Variants in CMIP observed in about 807,000 individuals in gnomAD.
CMIP encodes the protein c-Maf inducing protein, also known as C-Maf-inducing protein.
Under a neutral mutation model 97.3 loss-of-function variants are expected in CMIP, and 13 were observed. The ratio of observed to expected loss-of-function variants is 0.13; its 90% confidence interval spans 0.09 to 0.21. The LOEUF is 0.21. Ranked by LOEUF, CMIP falls within the 10% of genes least tolerant of loss-of-function variation. The pLI is 1.00. For missense variants in CMIP, 847 were observed against 1,024.9 expected (o/e 0.83, Z 2.37); for synonymous variants, 538 against 436.3 (o/e 1.23, Z -2.91).
At chr16:81,592,227 T>C (rs879278785) in intron 1 of CMIP, among the ~76,000 whole-genome samples, 3 of 152,186 alleles carry the variant, frequency 2.0e-5, no homozygotes, top group African/African-American at 4.8e-5. Flanking sequence ...AGAGAGAGGA[T>C]TCAGAAATGG....
intron 2 of CMIP, chr16:81,610,675 A>C: frequency 3.2e-6 from 1 of 309,042 alleles, no homozygotes. Context: ...ACCGTGATGC[A>C]TGGGTGGTAT....
At chr16:81,551,340 C>G (rs1597547288) in intron 1 of CMIP, among the ~76,000 whole-genome samples, 1 of 152,256 alleles carries the variant, frequency 6.6e-6, no homozygotes, top group African/African-American at 2.4e-5. Flanking sequence ...TGCCTCCCAA[C>G]TGTTTTCTGA....
Position 81,652,934 on chromosome 16 carries a change from A to T in CMIP, c.639+570A>T, listed in dbSNP as rs1354305762. On this transcript the variant is annotated intron_variant, in intron 4 of 20. Transcript: ENST00000537098. This position sits in a 1 kb window ranked among gnomAD's most constrained non-coding sequence, Gnocchi z 5.2. Reference sequence around the variant, plus strand: ...GAATGTGTGCTTTGTGCCAGGCACCATCTGGGAATTCAAGCAAAGACAAGC... The same window carrying T: ...GAATGTGTGCTTTGTGCCAGGCACCTTCTGGGAATTCAAGCAAAGACAAGC... Among the ~76,000 whole-genome samples, 1 of 152,076 alleles carries T rather than the reference A, an allele frequency of 6.6e-6. No homozygotes were observed. The highest frequency in any genetic ancestry group is 2.4e-5 in the African/African-American group (1 of 41,402).
intron 1 of CMIP, among the ~76,000 whole-genome samples, chr16:81,448,001 T>C (rs1407486520): frequency 6.6e-6 from 1 of 152,242 alleles, no homozygotes; most frequent in East Asian, 1.9e-4. Flanking sequence ...CGTTTTATAG[T>C]GCGGCCCAAG....
In CMIP at chr16:81,680,728, G is replaced by A. The variant is rs557198689; in HGVS notation, c.1388+2100G>A. On this transcript the variant is annotated intron_variant, in intron 10 of 20. Coordinates refer to ENST00000537098, the MANE Select transcript of CMIP (RefSeq NM_198390.3). ...GGTGCCAGCTCTCCCAGCGGCAGCCGGGTTAGGGCGCCTCCCTGGATTTTG... is the reference window on the plus strand; with the variant it reads ...GGTGCCAGCTCTCCCAGCGGCAGCCAGGTTAGGGCGCCTCCCTGGATTTTG... Among the ~76,000 whole-genome samples the A allele has an allele frequency of 1.6e-4, 24 of 152,326 alleles. No homozygotes were observed. In the South Asian group the frequency reaches 3.9e-3, roughly 25 times the overall value.
chr16:81,693,359 G>A, intron 12 of CMIP, 80 bp from the exon 13 acceptor site: 1 of 1,556,860 alleles, frequency 6.4e-7, no homozygotes. Context: ...GTTCTTCCTT[G>A]ACACCATCCC....
chr16:81,533,613 G>C (rs1353521555), intron 1 of CMIP, among the ~76,000 whole-genome samples: 1 of 152,046 alleles, frequency 6.6e-6, no homozygotes, highest in African/African-American at 2.4e-5. Context: ...AGAGTAGCTG[G>C]GACTATATGC....
intron 3 of CMIP, chr16:81,645,363 CGCG>C: frequency 2.8e-6 from 4 of 1,438,486 alleles, no homozygotes; most frequent in Non-Finnish European, 3.7e-6. Flanking sequence ...TGGGTGTGTA[CGCG>C]CGCGAGCCCC....
At chr16:81,645,607 C>G (rs903186286) in intron 3 of CMIP, 3 of 1,535,764 alleles carry the variant, frequency 2.0e-6, no homozygotes, top group African/African-American at 1.4e-5. Flanking sequence ...AGGTAACGTC[C>G]CTTCCTTGAC....
At chr16:81,677,065 G>A (rs1318874797) in intron 9 of CMIP, among the ~76,000 whole-genome samples, 1 of 152,198 alleles carries the variant, frequency 6.6e-6, no homozygotes, top group Non-Finnish European at 1.5e-5. Flanking sequence ...GTCTAACTGG[G>A]CTTTGGGATG....
chr16:81,616,210 C>A lies in CMIP; in HGVS notation c.427-4666C>A, dbSNP rs189552465. 2.6e-3 allele frequency among the ~76,000 whole-genome samples: 383 copies of A among 150,078 alleles called. 1 individual carries two copies. Among genetic ancestry groups the A allele is most frequent in the Middle Eastern group, 0.01 (3 of 292 alleles). On this transcript the variant is annotated intron_variant, in intron 2 of 20. Transcript: ENST00000537098. The surrounding 1 kb of genome is among the most constrained non-coding windows in gnomAD (Gnocchi z 4.7). ...ACTGGAGCAGTCGCAGTTAATCCTA[C>A]GTGGATCCTGCCTCCTCTCCCAATC...
At chr16:81,499,551 G>A (rs1239949340) in intron 1 of CMIP, among the ~76,000 whole-genome samples, 2 of 152,196 alleles carry the variant, frequency 1.3e-5, no homozygotes, top group Admixed American at 6.5e-5. Flanking sequence ...CTGTCCCGGC[G>A]CCCATGTAGC....
intron 6 of CMIP, among the ~76,000 whole-genome samples, chr16:81,662,992 C>A (rs759024226): frequency 6.6e-6 from 1 of 152,048 alleles, no homozygotes; most frequent in Non-Finnish European, 1.5e-5. Context: ...AAATAAGGAC[C>A]CTGTCAGAAC....
At chr16:81,607,134 G>A (rs776361404) in intron 1 of CMIP, among the ~76,000 whole-genome samples, 8 of 152,238 alleles carry the variant, frequency 5.3e-5, no homozygotes, top group Admixed American at 1.3e-4. Context: ...ATCTTGGAAC[G>A]TGGCTCTGGA....
At chr16:81,495,825 C>CTGTT (rs2150771375) in intron 1 of CMIP, among the ~76,000 whole-genome samples, 1 of 151,582 alleles carries the variant, frequency 6.6e-6, no homozygotes, top group South Asian at 2.1e-4. Flanking sequence ...AGTGACTTGG[C>CTGTT]TGTTGGCTGT....
At chr16:81,560,437 C>A (rs2090859514) in intron 1 of CMIP, among the ~76,000 whole-genome samples, 1 of 152,108 alleles carries the variant, frequency 6.6e-6, no homozygotes, top group African/African-American at 2.4e-5. Context: ...CCAGGATGGT[C>A]TTGATCTCCT....
At chr16:81,585,777 C>T (rs887394122) in intron 1 of CMIP, among the ~76,000 whole-genome samples, 6 of 152,156 alleles carry the variant, frequency 3.9e-5, no homozygotes, top group African/African-American at 1.4e-4. Context: ...ACCCTGCAGC[C>T]CCAAATGCCC....
chr16:81,583,983 A>C (rs1475862808), intron 1 of CMIP, among the ~76,000 whole-genome samples: 2 of 151,394 alleles, frequency 1.3e-5, no homozygotes, highest in Admixed American at 1.3e-4. Context: ...AAATAAGAGG[A>C]GGCAGAGGTA....
intron 3 of CMIP, among the ~76,000 whole-genome samples, chr16:81,628,862 G>T (rs890091450): frequency 6.6e-6 from 1 of 151,990 alleles, no homozygotes; most frequent in South Asian, 2.1e-4. Context: ...TTGGCTGCGC[G>T]TGATGGCTCA....
Sources: gnomAD v4.1 joint callset for allele counts (sites outside exome capture counted in the v4.1 genomes callset) on GRCh38, gnomAD v4.1.1 for gene constraint, Gnocchi (gnomAD v3.1) non-coding constraint, MANE v1.5 for transcripts, NCBI Gene and HGNC (gene_info 2026-07-23, HGNC 2026-07-21) for gene names.